ADGRL2: variants seen among roughly 807,000 people sequenced by gnomAD.
ADGRL2 encodes calcium-independent alpha-latrotoxin receptor 2.
ADGRL2 carries 44 observed loss-of-function variants against 157.4 expected under a neutral mutation model. The observed-to-expected ratio is 0.28, with a 90% CI of 0.22 to 0.36. The LOEUF is 0.36. Ranked by LOEUF, ADGRL2 falls within the 10% of genes least tolerant of loss-of-function variation. ADGRL2 has a pLI of 1.00. For synonymous variants in ADGRL2, 585 were observed against 624.7 expected, an observed-to-expected ratio of 0.94 and a Z score of 0.95; for missense variants, 1,510 against 1,768.9, an observed-to-expected ratio of 0.85 and a Z score of 2.63.
chr1:81,508,093 C>T (rs1477809775), intron 2 of ADGRL2, among the ~76,000 whole-genome samples: 1 of 152,102 alleles, frequency 6.6e-6, no homozygotes, highest in Admixed American at 6.5e-5. Context: ...TTATATTGTG[C>T]AATGCCAATT....
rs571367319 is a variant in ADGRL2, at chr1:81,434,599, T to C, written c.-301-10437T>C. ...ACAAAACTGTAGGAAATAAACATCT[T>C]GGATGTTTGGTTGTAGAAATTGGGA... On this transcript the variant is annotated intron_variant, in intron 1 of 24. Coordinates refer to the ADGRL2 transcript ENST00000370721. Among the ~76,000 whole-genome samples, 3 of 152,160 alleles carry C rather than the reference T, an allele frequency of 2.0e-5. No individual in the cohort carries two copies. The South Asian group carries it at 6.2e-4, about 32-fold the overall frequency.
chr1:81,578,912 T>C (rs1371828482), intron 2 of ADGRL2, among the ~76,000 whole-genome samples: 2 of 152,162 alleles, frequency 1.3e-5, no homozygotes, highest in Non-Finnish European at 2.9e-5. Flanking sequence ...AGAGATGTTT[T>C]AGAAAATCAT....
rs549983454 is a variant in ADGRL2 at position 81,569,151 on chromosome 1, G to A, written c.-247-11725G>A. Among the ~76,000 whole-genome samples, 5 of 152,182 alleles carry A rather than the reference G, an allele frequency of 3.3e-5. No individual in the cohort carries two copies. In the East Asian group the frequency reaches 9.6e-4, roughly 29 times the overall value. On this transcript the variant is annotated intron_variant, in intron 2 of 24. Coordinates refer to the ADGRL2 transcript ENST00000370721. ...TATTCAGTTCTAATAATAATTAAAA[G>A]TGAATAATTGTTTGTTTATTTAGCA...
intron 2 of ADGRL2, among the ~76,000 whole-genome samples, chr1:81,551,078 G>T (rs545664986): frequency 6.6e-6 from 1 of 152,284 alleles, no homozygotes; most frequent in African/African-American, 2.4e-5. Flanking sequence ...TCTATGCAAT[G>T]AGGATGAAAT....
intron 3 of ADGRL2, among the ~76,000 whole-genome samples, chr1:81,636,864 C>A (rs2082124369): frequency 6.6e-6 from 1 of 152,154 alleles, no homozygotes; most frequent in Non-Finnish European, 1.5e-5. Context: ...CAAACAGAGT[C>A]TCCCTCTGTC....
At chr1:81,678,009 G>A (rs1307306107) in intron 3 of ADGRL2, among the ~76,000 whole-genome samples, 2 of 152,040 alleles carry the variant, frequency 1.3e-5, no homozygotes, top group Non-Finnish European at 2.9e-5. Context: ...TTCCTTTGAT[G>A]TATTTCCCAC....
chr1:81,980,036 T>C (rs2149429639), intron 18 of ADGRL2, 76 bp downstream of exon 18: 1 of 794,150 alleles, frequency 1.3e-6, no homozygotes, highest in Admixed American at 2.1e-5. Context: ...CACAGGGATT[T>C]CTACCTTCTA....
chr1:81,566,634 C>T (rs1213686837), intron 2 of ADGRL2, among the ~76,000 whole-genome samples: 7 of 152,074 alleles, frequency 4.6e-5, no homozygotes, highest in Admixed American at 4.6e-4. Context: ...CTCCCAGGTA[C>T]ATTTTGCCTG....
intron 1 of ADGRL2, among the ~76,000 whole-genome samples, chr1:81,829,744 C>T (rs1040452386): frequency 6.6e-6 from 1 of 152,088 alleles, no homozygotes; most frequent in Admixed American, 6.5e-5. Context: ...CAGATGGCTT[C>T]CTTAACATTA....
intron 23 of ADGRL2, chr1:81,990,033 A>T (rs1245807053): frequency 2.0e-6 from 2 of 984,790 alleles, no homozygotes; most frequent in Non-Finnish European, 1.2e-6. Flanking sequence ...TAAAATGTAA[A>T]TGTCACTAAT....
chr1:81,981,997 A>G (rs1402442339), intron 19 of ADGRL2, 21 bp downstream of exon 19: 1 of 1,597,764 alleles, frequency 6.3e-7, no homozygotes, highest in Non-Finnish European at 8.5e-7. Context: ...GAAAACACCT[A>G]GGGGCTCAGG....
At chr1:81,900,896 A>C (rs1011361725) in intron 2 of ADGRL2, among the ~76,000 whole-genome samples, 2 of 152,160 alleles carry the variant, frequency 1.3e-5, no homozygotes, top group African/African-American at 4.8e-5. Flanking sequence ...GGTGATATCT[A>C]GGAGCCGAGG....
intron 3 of ADGRL2, among the ~76,000 whole-genome samples, chr1:81,932,282 A>T (rs2095244759): frequency 1.3e-5 from 2 of 152,214 alleles, no homozygotes; most frequent in Admixed American, 1.3e-4. Context: ...TGATGTATAC[A>T]TGTACTCAGA....
intron 3 of ADGRL2, among the ~76,000 whole-genome samples, chr1:81,924,841 TC>T (rs1045884890): frequency 2.0e-5 from 3 of 152,258 alleles, no homozygotes; most frequent in Middle Eastern, 3.4e-3. Context: ...GTAAAATTTT[TC>T]ATGTCAAAGA....
intron 1 of ADGRL2, among the ~76,000 whole-genome samples, chr1:81,330,606 A>G (rs1355864820): frequency 1.3e-5 from 2 of 152,176 alleles, no homozygotes; most frequent in Non-Finnish European, 2.9e-5. Context: ...TTTATAATTC[A>G]GCCAAACTAA....
chr1:81,845,812 C>A (rs376564160), intron 2 of ADGRL2, among the ~76,000 whole-genome samples: 1 of 151,490 alleles, frequency 6.6e-6, no homozygotes, highest in Non-Finnish European at 1.5e-5. Flanking sequence ...GAGAGAAATT[C>A]GTAGTATAAC....
chr1:81,579,959 A>G (rs910684001), intron 2 of ADGRL2, among the ~76,000 whole-genome samples: 3 of 152,194 alleles, frequency 2.0e-5, no homozygotes, highest in African/African-American at 7.2e-5. Context: ...TGCATCGTTA[A>G]GCATGGAAAG....
At chr1:81,780,854 A>G (rs2086782886) in intron 2 of ADGRL2, among the ~76,000 whole-genome samples, 2 of 151,064 alleles carry the variant, frequency 1.3e-5, no homozygotes, top group African/African-American at 4.9e-5. Context: ...ATTGCAGGCT[A>G]TGTCCCCCCA....
At chr1:81,791,323 G>T (rs2149418729) in intron 2 of ADGRL2, among the ~76,000 whole-genome samples, 1 of 152,214 alleles carries the variant, frequency 6.6e-6, no homozygotes, top group East Asian at 1.9e-4. Context: ...GCCTCCCAAG[G>T]TTTGAGTATT....
Sources: gnomAD v4.1 joint callset for allele counts (sites outside exome capture counted in the v4.1 genomes callset) on GRCh38, gnomAD v4.1.1 for gene constraint, MANE v1.5 for transcripts, NCBI Gene and HGNC (gene_info 2026-07-23, HGNC 2026-07-21) for gene names.